Variants in ABCA5 observed in about 807,000 individuals in gnomAD.
ABCA5 encodes the protein cholesterol transporter ABCA5.
ABCA5 carries 163 observed loss-of-function variants against 206.0 expected under a neutral mutation model. The ratio of observed to expected loss-of-function variants is 0.79; its 90% CI spans 0.70 to 0.90. The LOEUF (loss-of-function observed/expected upper bound fraction) is 0.90. ABCA5 is among the 40% of genes least tolerant of loss of function. The probability of loss-of-function intolerance (pLI) is 0.00; values close to 1 mark genes in which losing one functional copy is unlikely to be tolerated. For missense variants in ABCA5, 1,859 were observed against 1,912.9 expected, an observed-to-expected ratio of 0.97 and a Z score of 0.53; for synonymous variants, 609 against 613.8, an observed-to-expected ratio of 0.99 and a Z score of 0.11.
intron 18 of ABCA5, among the ~76,000 whole-genome samples, chr17:69,279,737 CAACT>C (rs1466011451): frequency 6.6e-6 from 1 of 152,076 alleles, no homozygotes; most frequent in Non-Finnish European, 1.5e-5. Context: ...CGCATATCTA[CAACT>C]ATCTGATCTT....
chr17:69,321,532 G>A (rs1213806538), intron 1 of ABCA5, among the ~76,000 whole-genome samples: 3 of 152,086 alleles, frequency 2.0e-5, no homozygotes, highest in Non-Finnish European at 2.9e-5. Context: ...AGAGAAAAAC[G>A]CAGTAAAAAG....
At chr17:69,300,762 G>A (rs1429920354) in intron 9 of ABCA5, among the ~76,000 whole-genome samples, 1 of 152,128 alleles carries the variant, frequency 6.6e-6, no homozygotes, top group Non-Finnish European at 1.5e-5. Flanking sequence ...ACAGGAGTTT[G>A]CTATATTGGC....
In ABCA5 at chr17:69,270,727, GA is replaced by G; in HGVS notation, c.2915del (p.Phe972SerfsTer12). On this transcript the variant is annotated frameshift_variant, in exon 22 of 39. Transcript: ENST00000392676. LOFTEE classifies it high-confidence loss of function. Reference protein sequence around the residue: ...SEKDYVFAAVFNSTMVYSLPI... With the variant: ...SEKDYVFAAVXNSTMVYSLPI... ...GTAAAGAATAAACCATAGTACTGTT[GA>G]AAACAGCTGCAAAAACATAGTCCTA... 1.3e-6 allele frequency: 2 copies of G among 1,555,550 alleles called. No individual in the cohort carries two copies. The highest frequency in any genetic ancestry group is 1.4e-5 in the African/African-American group (1 of 71,650).
chr17:69,303,819 T>C (rs1439145895), intron 7 of ABCA5, among the ~76,000 whole-genome samples: 1 of 7,480 alleles, frequency 1.3e-4, no homozygotes, highest in African/African-American at 1.7e-4. Flanking sequence ...CATACATATA[T>C]ATATATGTAT....
chr17:69,320,092 G>C (rs1419073138), intron 1 of ABCA5, among the ~76,000 whole-genome samples: 1 of 152,152 alleles, frequency 6.6e-6, no homozygotes, highest in Non-Finnish European at 1.5e-5. Flanking sequence ...GAAAATGGTG[G>C]CTTGTACATG....
At chr17:69,279,142 G>A (rs962772102) in intron 18 of ABCA5, among the ~76,000 whole-genome samples, 9 of 152,154 alleles carry the variant, frequency 5.9e-5, no homozygotes, top group South Asian at 4.1e-4. Context: ...AAACCCCATC[G>A]TCTCAGCCCA....
chr17:69,266,819 A>T (rs937029692), intron 23 of ABCA5, among the ~76,000 whole-genome samples: 13 of 150,164 alleles, frequency 8.7e-5, no homozygotes, highest in African/African-American at 1.2e-4. Flanking sequence ...TTACTTTTAT[A>T]GTAAACAAAT....
chr17:69,266,535 T>C (rs1159010736), intron 23 of ABCA5, among the ~76,000 whole-genome samples: 1 of 149,882 alleles, frequency 6.7e-6, no homozygotes, highest in Non-Finnish European at 1.5e-5. Context: ...ACCTGCACAA[T>C]GTGCACATGT....
chr17:69,254,117 A>T (rs573280923), intron 32 of ABCA5, among the ~76,000 whole-genome samples, 198 bp downstream of exon 32: 4 of 152,328 alleles, frequency 2.6e-5, no homozygotes, highest in South Asian at 4.1e-4. Context: ...ACTAGAAATT[A>T]AAAAATGACC....
chr17:69,286,699 TAAG>T (rs571351252), intron 15 of ABCA5, among the ~76,000 whole-genome samples: 86 of 152,190 alleles, frequency 5.7e-4, no homozygotes, highest in Middle Eastern at 3.4e-3. Flanking sequence ...ACAAAAGTAA[TAAG>T]AAGAACAAAT....
rs757615896 is a variant in ABCA5 at position 69,256,301 on chromosome 17, A to G, written c.3732-18T>C. 1 of 1,476,210 alleles carries G rather than the reference A, an allele frequency of 6.8e-7. No individual in the cohort carries two copies. Among genetic ancestry groups the G allele is most frequent in the South Asian group, 1.4e-5 (1 of 74,066 alleles). 91.4% of individuals were successfully genotyped at this position (1,476,210 alleles called of 1,614,324 possible). A position where few individuals can be genotyped will look rare whatever the true frequency, so the allele number is the denominator to read the frequency against. On this transcript the variant is annotated intron_variant, in intron 28 of 38. Coordinates refer to ENST00000392676, the MANE Select transcript of ABCA5 (RefSeq NM_172232.4). ...AAAGGTTTCTACATATATATAATAA[A>G]TATAAAAGACAGTAGGTTTTCAAAT...
Position 69,255,581 on chromosome 17 carries a change from T to G in ABCA5, c.4030A>C (p.Asn1344His). Residue 1344 changes from asparagine to histidine, a missense_variant, in exon 31 of 39, where the codon AAT becomes CAT. Transcript: ENST00000392676. ...GGTTCAATATCACCAACCAGAATAT[T>G]AATAATTGTGCTTTTGCCAGCACCA... ...PNGAGKSTIINILVGDIEPTS... is the reference protein window; with the variant it reads ...PNGAGKSTIIHILVGDIEPTS... 2 of 1,582,542 alleles carry G rather than the reference T, an allele frequency of 1.3e-6. No individual in the cohort carries two copies. The highest frequency in any genetic ancestry group is 1.7e-6 in the Non-Finnish European group (2 of 1,170,664).
chr17:69,245,243 C>T lies in ABCA5; in HGVS notation c.*2294G>A, dbSNP rs531052382. On this transcript the variant is annotated 3_prime_UTR_variant, in exon 39 of 39. Transcript: ENST00000392676. ...AGTACACTCATCATGTTTTTTCTTG[C>T]CTTATTAGTCAGTAAACACTCACTC... The T allele has an allele frequency of 1.1e-4, 17 of 151,890 alleles. No homozygotes were observed. In the East Asian group the frequency reaches 3.3e-3, roughly 29 times the overall value. 9.4% of individuals were successfully genotyped at this position (151,890 alleles called of 1,614,324 possible).
At chr17:69,252,836 C>CA (rs34161698) in intron 34 of ABCA5, among the ~76,000 whole-genome samples, 6,157 of 96,854 alleles carry the variant, frequency 0.064, 599 homozygotes, top group African/African-American at 0.23. Context: ...GACTCTGACT[C>CA]AAAAAAAAAA....
chr17:69,258,486 A>T (rs542809419), intron 28 of ABCA5, among the ~76,000 whole-genome samples: 2 of 152,234 alleles, frequency 1.3e-5, no homozygotes, highest in East Asian at 3.9e-4. Flanking sequence ...CAAATACAAC[A>T]TGTTCTCACT....
chr17:69,261,741 CA>C lies in ABCA5; in HGVS notation c.3322del (p.Cys1108AlafsTer24). On this transcript the variant is annotated frameshift_variant, in exon 25 of 39. Transcript: ENST00000392676. LOFTEE classifies it high-confidence loss of function. ...YTVKFLAVVFCLIGYVPSVIL... is the reference protein window; with the variant it reads ...YTVKFLAVVFXLIGYVPSVIL... ...AACTGATGGAACATAACCAATAAGG[CA>C]AAAAACCTGTAAATCAGAAATATGT... is the stretch of plus-strand genomic sequence containing the variant. The C allele has an allele frequency of 1.4e-6, 2 of 1,392,134 alleles. No homozygotes were observed. Among genetic ancestry groups the C allele is most frequent in the Non-Finnish European group, 1.9e-6 (2 of 1,041,782 alleles). 86.2% of individuals were successfully genotyped at this position (1,392,134 alleles called of 1,614,324 possible). A position where few individuals can be genotyped will look rare whatever the true frequency, so the allele number is the denominator to read the frequency against.
intron 15 of ABCA5, among the ~76,000 whole-genome samples, chr17:69,287,232 A>T (rs1425909289): frequency 1.3e-5 from 2 of 152,228 alleles, no homozygotes; most frequent in Non-Finnish European, 2.9e-5. Context: ...TCAATGCTGA[A>T]GAAATTAAAG....
At position 69,289,267 on chromosome 17, in the gene ABCA5, C is replaced by A; in HGVS notation, c.1812G>T (p.Met604Ile). ...EVQKVLLDLD[M>I]QTIKDNQAKK... Reference sequence around the variant, plus strand: ...TAGCTTGGTTATCTTTGATAGTCTGCATGTCTAAATCTAGTAAAACCTTCT... The same window carrying A: ...TAGCTTGGTTATCTTTGATAGTCTGAATGTCTAAATCTAGTAAAACCTTCT... Residue 604 changes from methionine (M) to isoleucine (I), a missense_variant, in exon 14 of 39, where the codon ATG (methionine) becomes ATT (isoleucine). Coordinates refer to ENST00000392676, the MANE Select transcript of ABCA5 (RefSeq NM_172232.4). The A allele has an allele frequency of 6.2e-7, 1 of 1,602,036 alleles. No homozygotes were observed. Among genetic ancestry groups the A allele is most frequent in the Non-Finnish European group, 8.5e-7 (1 of 1,175,116 alleles).
At chr17:69,249,833 A>G (rs955355848) in intron 37 of ABCA5, 72 bp downstream of exon 37, 19 of 1,463,740 alleles carry the variant, frequency 1.3e-5, no homozygotes, top group Admixed American at 1.1e-4. Context: ...TTCCAGCTTA[A>G]AAAAAGATTG....
Sources: allele counts gnomAD v4.1 joint callset (sites outside exome capture counted in the v4.1 genomes callset), GRCh38; gene constraint gnomAD v4.1.1; transcripts MANE v1.5; gene names NCBI Gene and HGNC (gene_info 2026-07-23, HGNC 2026-07-21).